Variants in ENO1 observed in about 807,000 individuals in gnomAD.
The protein encoded by ENO1 is enolase 1, also known as alpha-enolase.
ENO1 carries 33 observed loss-of-function variants against 46.3 expected under a neutral mutation model. The ratio of observed to expected loss-of-function variants is 0.71; its 90% CI spans 0.54 to 0.95. The LOEUF (loss-of-function observed/expected upper bound fraction) is 0.95, where lower values mean the gene tolerates loss of function less well. Ranked by LOEUF, ENO1 falls within the 40% of genes least tolerant of loss-of-function variation. The probability of loss-of-function intolerance (pLI) is 0.00; values close to 1 mark genes in which losing one functional copy is unlikely to be tolerated. For synonymous variants in ENO1, 220 were observed against 216.0 expected, an observed-to-expected ratio of 1.02 and a Z score of -0.16; for missense variants, 488 against 553.3, an observed-to-expected ratio of 0.88 and a Z score of 1.18.
At chr1:8,863,768 G>GT in intron 9 of ENO1, 123 bp downstream of exon 9, 1 of 1,156,372 alleles carries the variant, frequency 8.6e-7, no homozygotes, top group Non-Finnish European at 1.3e-6. Context: ...CACAAAACCT[G>GT]TTAAAATTCC....
At chr1:8,877,302 G>C (rs904313784) in intron 1 of ENO1, among the ~76,000 whole-genome samples, 1 of 151,090 alleles carries the variant, frequency 6.6e-6, no homozygotes, top group Non-Finnish European at 1.5e-5. Flanking sequence ...GGTCAGGCTG[G>C]TCTCTAACTC....
chr1:8,865,168 G>T (rs1642483648), intron 8 of ENO1, 117 bp downstream of exon 8: 1 of 1,285,140 alleles, frequency 7.8e-7, no homozygotes, highest in Non-Finnish European at 1.1e-6. Flanking sequence ...GGAGCTGGAA[G>T]TTCAGACACT....
chr1:8,866,368 T>C lies in ENO1; in HGVS notation c.578A>G (p.Lys193Arg). The C allele has an allele frequency of 2.5e-6, 4 of 1,614,224 alleles. No homozygotes were observed. The highest frequency in any genetic ancestry group is 3.4e-6 in the Non-Finnish European group (4 of 1,180,038). Reference sequence around the variant, plus strand: ...CCCATATTTCTCCTTGATGACATTCTTCAGGTTGTGGTAAACCTCTGCTCC... The same window carrying C: ...CCCATATTTCTCCTTGATGACATTCCTCAGGTTGTGGTAAACCTCTGCTCC... ...RIGAEVYHNL[K>R]NVIKEKYGKD... The change falls in exon 7 of 12, where the codon AAG (lysine) becomes AGG (arginine). Residue 193 changes from lysine to arginine, a missense_variant. By Grantham distance (26) the Lys-to-Arg change is conservative (BLOSUM62 2). Transcript: ENST00000234590.
rs377003555 is a variant in ENO1 at position 8,867,098 on chromosome 1, G to A, written c.444+19C>T. ...AAACCCCCAACTCCTTGCTTGGGAA[G>A]TTCCAATAAACCACTCACCGGGACT... On this transcript the variant is annotated intron_variant, in intron 6 of 11. Coordinates refer to ENST00000234590, the MANE Select transcript of ENO1 (RefSeq NM_001428.5). The A allele has an allele frequency of 6.2e-7, 1 of 1,607,302 alleles. No individual in the cohort carries two copies. Among genetic ancestry groups the A allele is most frequent in the African/African-American group, 1.3e-5 (1 of 74,800 alleles).
intron 1 of ENO1, among the ~76,000 whole-genome samples, chr1:8,875,551 T>C (rs12142493): frequency 0.015 from 2,225 of 152,282 alleles, 25 homozygotes; most frequent in South Asian, 0.027. Context: ...GGGAAAACCT[T>C]GCTTGTAGCA....
intron 6 of ENO1, among the ~76,000 whole-genome samples, 155 bp downstream of exon 6, chr1:8,866,962 T>C (rs1642531041): frequency 6.6e-6 from 1 of 152,172 alleles, no homozygotes; most frequent in Non-Finnish European, 1.5e-5. Flanking sequence ...CACAGGCAAG[T>C]TGAGTTACCT....
chr1:8,870,127 G>A (rs1642599802), intron 4 of ENO1: 1 of 336,812 alleles, frequency 3.0e-6, no homozygotes, highest in Non-Finnish European at 5.5e-6. Flanking sequence ...TAGTCACCAT[G>A]GACACTACCA....
rs1642607242 is a variant in ENO1 at position 8,870,471 on chromosome 1, G to GC, written c.220dup (p.Ala74GlyfsTer6). ...TCCTACCTTGCTAACCAGGGCAGGC[G>GC]CAATAGTTTTATTGATGTGCTCAAC... On this transcript the variant is annotated frameshift_variant, in exon 4 of 12. Coordinates refer to ENST00000234590, the MANE Select transcript of ENO1 (RefSeq NM_001428.5). LOFTEE classifies it high-confidence loss of function. The GC allele has an allele frequency of 1.2e-6, 2 of 1,614,138 alleles. No homozygotes were observed. The highest frequency in any genetic ancestry group is 1.7e-6 in the Non-Finnish European group (2 of 1,180,022).
rs527711063 is a variant in ENO1, at chr1:8,862,051, G to T, written c.1236-622C>A. On this transcript the variant is annotated intron_variant, in intron 11 of 11. Transcript: ENST00000234590. ...TAATCCCAGCTACTCGGGAGGCTCA[G>T]ACAGGAGAATTGCTTGAATCTGGGA... Among the ~76,000 whole-genome samples the T allele has an allele frequency of 2.8e-4, 43 of 152,228 alleles. 1 individual carries two copies. Among genetic ancestry groups the T allele is most frequent in the African/African-American group, 9.9e-4 (41 of 41,542 alleles).
rs1569898187 is a variant in ENO1, at chr1:8,865,151, C to A, written c.865+134G>T. ...CTGGGGGCAAACCCAGTGGTGAATCCCCTACGGGAGCTGGAAGTTCAGACA... is the reference window on the plus strand; with the variant it reads ...CTGGGGGCAAACCCAGTGGTGAATCACCTACGGGAGCTGGAAGTTCAGACA... On this transcript the variant is annotated intron_variant, in intron 8 of 11. Coordinates refer to ENST00000234590, the MANE Select transcript of ENO1 (RefSeq NM_001428.5). 6 of 1,085,646 alleles carry A rather than the reference C, an allele frequency of 5.5e-6. No individual in the cohort carries two copies. The East Asian group carries it at 1.5e-4, about 28-fold the overall frequency. 67.3% of individuals were successfully genotyped at this position (1,085,646 alleles called of 1,614,324 possible).
At chr1:8,871,553 A>G in intron 3 of ENO1, 2 of 1,070,614 alleles carry the variant, frequency 1.9e-6, no homozygotes, top group Non-Finnish European at 2.3e-6. Flanking sequence ...CCCTCCTGGG[A>G]GATGGGGAAA....
chr1:8,862,856 C>G (rs369605707), intron 11 of ENO1, 31 bp downstream of exon 11: 1 of 1,611,728 alleles, frequency 6.2e-7, no homozygotes, highest in Non-Finnish European at 8.5e-7. Flanking sequence ...TAGTGAACCA[C>G]AGGCCCCTTG....
At chr1:8,875,694 T>C (rs1642719375) in intron 1 of ENO1, 1 of 152,262 alleles carries the variant, frequency 6.6e-6, no homozygotes. Context: ...TGATCTTGGC[T>C]ACTGCCACTT....
At chr1:8,867,014 G>A (rs2124073850) in intron 6 of ENO1, 103 bp downstream of exon 6, 2 of 1,501,544 alleles carry the variant, frequency 1.3e-6, no homozygotes, top group Non-Finnish European at 1.8e-6. Flanking sequence ...TGTGCTGGGA[G>A]AGTCACATGT....
At chr1:8,869,270 T>C (rs888830066) in intron 4 of ENO1, among the ~76,000 whole-genome samples, 1 of 147,834 alleles carries the variant, frequency 6.8e-6, no homozygotes, top group Non-Finnish European at 1.5e-5. Flanking sequence ...TGAGTCACAC[T>C]ATGCAGGGGT....
intron 4 of ENO1, 100 bp downstream of exon 4, chr1:8,870,352 C>T: frequency 6.8e-7 from 1 of 1,467,398 alleles, no homozygotes; most frequent in African/African-American, 1.4e-5. Flanking sequence ...TAGGCTTCTA[C>T]AGCTCTCAGA....
chr1:8,877,529 C>G (rs935782610), intron 1 of ENO1: 5 of 152,306 alleles, frequency 3.3e-5, no homozygotes, highest in African/African-American at 1.2e-4. Context: ...GCGCACAGAG[C>G]AGGGGAACAT....
rs1458348417 is a variant in ENO1 at position 8,863,986 on chromosome 1, G to T, written c.972C>A (p.Asn324Lys). The T allele has an allele frequency of 2.5e-6, 4 of 1,614,042 alleles. No individual in the cohort carries two copies. Among genetic ancestry groups the T allele is most frequent in the Non-Finnish European group, 3.4e-6 (4 of 1,180,040 alleles). ...QVVGDDLTVT[N>K]PKRIAKAVNE... is the part of the protein sequence containing the mutation. ...TCACGGCCTTGGCGATCCTCTTTGG[G>T]TTGGTCACTGTGAGATCATCCCCCA... is the stretch of plus-strand genomic sequence containing the variant. Residue 324 changes from asparagine (N) to lysine (K), a missense_variant, in exon 9 of 12, where the codon AAC (asparagine) becomes AAA (lysine). Coordinates refer to ENST00000234590, the MANE Select transcript of ENO1 (RefSeq NM_001428.5).
rs562145248 is a variant in ENO1 at position 8,878,583 on chromosome 1, G to C, written c.-13C>G. The C allele has an allele frequency of 1.1e-5, 5 of 456,050 alleles. No individual in the cohort carries two copies. The highest frequency in any genetic ancestry group is 1.0e-4 in the African/African-American group (5 of 50,196). The allele number at this position is 456,050 out of a possible 1,614,324, so 28.3% of individuals were successfully genotyped here. ...TCAGCCCTTCCCCAATCATTACCTA[G>C]CCACTGGGTCTCGTCGCCTAGGAGA... is the stretch of plus-strand genomic sequence containing the variant. On this transcript the variant is annotated 5_prime_UTR_variant, in exon 1 of 12. Transcript: ENST00000234590.
Sources: gnomAD v4.1 joint callset for allele counts (sites outside exome capture counted in the v4.1 genomes callset) on GRCh38, gnomAD v4.1.1 for gene constraint, MANE v1.5 for transcripts, NCBI Gene and HGNC (gene_info 2026-07-23, HGNC 2026-07-21) for gene names.